The following MMD2 variants were observed in gnomAD, a reference collection of about 807,000 sequenced individuals.
MMD2 encodes monocyte to macrophage differentiation associated 2.
A neutral mutation model predicts 33.5 loss-of-function variants in MMD2; 30 were observed. That is an observed-to-expected ratio of 0.90 (90% CI 0.67 to 1.22). The LOEUF is 1.22. Among genes scored for constraint, MMD2 ranks in the 50% most tolerant of loss-of-function variants. The pLI, the probability that MMD2 is intolerant of heterozygous loss-of-function variation, is 0.00. For synonymous variants in MMD2, 129 were observed against 123.0 expected, an observed-to-expected ratio of 1.05 and a Z score of -0.32; for missense variants, 364 against 325.4, an observed-to-expected ratio of 1.12 and a Z score of -0.91.
intron 5 of MMD2, 40 bp from the exon 6 acceptor site, chr7:4,909,990 T>C (rs1554269467): frequency 1.2e-6 from 2 of 1,613,798 alleles, no homozygotes; most frequent in Non-Finnish European, 1.7e-6. Flanking sequence ...AGGACATGCC[T>C]CCCCACGAAG....
intron 1 of MMD2, among the ~76,000 whole-genome samples, chr7:4,934,872 A>T (rs2965044): frequency 0.32 from 48,333 of 152,180 alleles, 9,062 homozygotes; most frequent in South Asian, 0.43. Context: ...AATATTACCT[A>T]GCCAGCAGGT....
intron 1 of MMD2, among the ~76,000 whole-genome samples, chr7:4,937,683 T>A (rs1045846057): frequency 6.6e-6 from 1 of 152,136 alleles, no homozygotes; most frequent in Non-Finnish European, 1.5e-5. Flanking sequence ...TAATTTTTAA[T>A]TTTTTGTAGA....
intron 2 of MMD2, among the ~76,000 whole-genome samples, chr7:4,924,351 G>A (rs1003858184): frequency 2.0e-5 from 3 of 152,244 alleles, no homozygotes; most frequent in African/African-American, 2.4e-5. Flanking sequence ...AATAGCCCCC[G>A]GGGTCTAACA....
chr7:4,915,070 C>G (rs1785106761), intron 4 of MMD2, among the ~76,000 whole-genome samples: 1 of 151,358 alleles, frequency 6.6e-6, no homozygotes, highest in East Asian at 1.9e-4. Flanking sequence ...GCCAGGAGTT[C>G]AAGACCAGCC....
At chr7:4,912,309 A>G (rs922518340) in intron 4 of MMD2, among the ~76,000 whole-genome samples, 2 of 152,018 alleles carry the variant, frequency 1.3e-5, no homozygotes, top group African/African-American at 2.4e-5. Context: ...CTGTAATCCC[A>G]GCACTTTGGG....
chr7:4,907,584 T>G lies in MMD2; in HGVS notation c.553A>C (p.Ile185Leu), dbSNP rs558151805. 1 of 1,612,504 alleles carries G rather than the reference T, an allele frequency of 6.2e-7. No homozygotes were observed. The highest frequency in any genetic ancestry group is 1.1e-5 in the South Asian group (1 of 91,008). ...ACCCCTCCGGTCACCAGCTCCCAGA[T>G]GCCCTCGGTGTTGGGCTGTCGGCAA... is the stretch of plus-strand genomic sequence containing the variant. ...VILSMPNTEG[I>L]WELVTGGVFY... The change falls in exon 7 of 7, where the codon ATC (isoleucine) becomes CTC (leucine). Residue 185 changes from isoleucine (I) to leucine (L), a missense_variant. Coordinates refer to ENST00000401401, the MANE Select transcript of MMD2 (RefSeq NM_198403.4).
At chr7:4,951,766 A>C (rs1015324382) in intron 1 of MMD2, among the ~76,000 whole-genome samples, 9 of 151,892 alleles carry the variant, frequency 5.9e-5, no homozygotes, top group Non-Finnish European at 1.2e-4. Flanking sequence ...CAACTGGCTA[A>C]TTTTTAAATT....
the MMD2 span, among the ~76,000 whole-genome samples, chr7:4,900,172 G>T: frequency 6.6e-6 from 1 of 152,034 alleles, no homozygotes; most frequent in Non-Finnish European, 1.5e-5. Context: ...GTGGTGGCAG[G>T]TGCCTGTAAT....
In MMD2 at chr7:4,906,544, T is replaced by C. The variant is rs372454; in HGVS notation, c.*852A>G. 158,891 of 398,390 alleles carry C rather than the reference T, an allele frequency of 0.4. 36,557 individuals are homozygous for C. The highest frequency in any genetic ancestry group is 0.49 in the Non-Finnish European group (111,623 of 225,982). 24.7% of individuals were successfully genotyped at this position (398,390 alleles called of 1,614,324 possible). A position where few individuals can be genotyped will look rare whatever the true frequency, so the allele number is the denominator to read the frequency against. ...CGTAATGTCTCTGGATTTTTGGAGA[T>C]GGGAAGAAATGGCCAAGTAACAGCA... On this transcript the variant is annotated 3_prime_UTR_variant, in exon 7 of 7. Coordinates refer to ENST00000401401, the MANE Select transcript of MMD2 (RefSeq NM_198403.4).
At chr7:4,935,907 G>C (rs1273568145) in intron 1 of MMD2, among the ~76,000 whole-genome samples, 1 of 151,992 alleles carries the variant, frequency 6.6e-6, no homozygotes, top group Non-Finnish European at 1.5e-5. Flanking sequence ...ATTTTGGGCC[G>C]GGCGCGATGG....
intron 1 of MMD2, among the ~76,000 whole-genome samples, chr7:4,949,314 A>T (rs1006207290): frequency 6.6e-6 from 1 of 151,094 alleles, no homozygotes; most frequent in South Asian, 2.1e-4. Context: ...AACCATCCCA[A>T]CCTCCCCCCA....
At chr7:4,908,579 G>A (rs2068334550) in intron 6 of MMD2, among the ~76,000 whole-genome samples, 1 of 152,062 alleles carries the variant, frequency 6.6e-6, no homozygotes, top group Admixed American at 6.6e-5. Flanking sequence ...CAACCCAGGG[G>A]TCAGCCAAGG....
chr7:4,905,148 C>A (rs1204757382), downstream of MMD2, among the ~76,000 whole-genome samples: 2 of 151,914 alleles, frequency 1.3e-5, no homozygotes, highest in Non-Finnish European at 2.9e-5. This position sits in a 1 kb window ranked among gnomAD's most constrained non-coding sequence, Gnocchi z 5.0. Flanking sequence ...AGGTGTCAGA[C>A]TGAGGAGTCA....
At chr7:4,895,992 T>G in the MMD2 span, among the ~76,000 whole-genome samples, 2 of 152,164 alleles carry the variant, frequency 1.3e-5, no homozygotes, top group African/African-American at 4.8e-5. Flanking sequence ...CACTCCTTCC[T>G]GACGAAGCCT....
At chr7:4,911,376 T>C in intron 4 of MMD2, 130 bp from the exon 5 acceptor site, 3 of 657,646 alleles carry the variant, frequency 4.6e-6, no homozygotes, top group Non-Finnish European at 7.8e-6. Flanking sequence ...GGCTGGGACA[T>C]GGGCGCTCAC....
At chr7:4,917,055 G>A (rs2115098709) in intron 3 of MMD2, among the ~76,000 whole-genome samples, 1 of 151,892 alleles carries the variant, frequency 6.6e-6, no homozygotes, top group East Asian at 2.0e-4. Context: ...CTGGGCAACT[G>A]AGCTAGATCC....
chr7:4,920,083 C>A, intron 3 of MMD2, 88 bp downstream of exon 3: 2 of 1,413,394 alleles, frequency 1.4e-6, no homozygotes, highest in Non-Finnish European at 1.9e-6. Flanking sequence ...CCAGGCAGAC[C>A]GGATATCCTG....
At chr7:4,917,516 C>A (rs1396107064) in intron 3 of MMD2, among the ~76,000 whole-genome samples, 1 of 151,806 alleles carries the variant, frequency 6.6e-6, no homozygotes, top group African/African-American at 2.4e-5. Flanking sequence ...ACAAAACATT[C>A]CCCGTCTCTA....
the MMD2 span, among the ~76,000 whole-genome samples, chr7:4,893,790 T>A: frequency 1.3e-5 from 2 of 152,202 alleles, no homozygotes; most frequent in African/African-American, 2.4e-5. Flanking sequence ...CTCCCCTTTA[T>A]AGACTATATA....
Sources: gnomAD v4.1 joint callset for allele counts (sites outside exome capture counted in the v4.1 genomes callset) on GRCh38, gnomAD v4.1.1 for gene constraint, Gnocchi (gnomAD v3.1) non-coding constraint, MANE v1.5 for transcripts, NCBI Gene and HGNC (gene_info 2026-07-23, HGNC 2026-07-21) for gene names.